Variants in SYT1 observed in about 807,000 individuals in gnomAD.
SYT1 encodes the protein synaptotagmin 1.
Under a neutral mutation model 44.8 loss-of-function variants are expected in SYT1, and 8 were observed. That is an observed-to-expected ratio of 0.18 (90% CI 0.10 to 0.32). The LOEUF (loss-of-function observed/expected upper bound fraction) is 0.32. SYT1 is among the 10% of genes least tolerant of loss of function. The pLI is 1.00. For synonymous variants in SYT1, 154 were observed against 188.8 expected (o/e 0.82, Z 1.51); for missense variants, 286 against 509.3 (o/e 0.56, Z 4.22).
intron 2 of SYT1, among the ~76,000 whole-genome samples, chr12:79,024,669 G>T (rs978096474): frequency 2.6e-5 from 4 of 151,742 alleles, no homozygotes. Context: ...CTCTCCCCTG[G>T]AAAGTACTTT....
At chr12:78,892,253 T>G (rs1163110713) in intron 1 of SYT1, among the ~76,000 whole-genome samples, 1 of 151,758 alleles carries the variant, frequency 6.6e-6, no homozygotes, top group Admixed American at 6.6e-5. Context: ...CTTATCACGT[T>G]TTTAACATGA....
intron 3 of SYT1, among the ~76,000 whole-genome samples, chr12:79,104,542 A>C (rs939892595): frequency 1.6e-4 from 24 of 152,020 alleles, no homozygotes; most frequent in African/African-American, 2.4e-5. Context: ...TTGGATCCTG[A>C]AGTATTAGTA....
intron 1 of SYT1, among the ~76,000 whole-genome samples, chr12:78,881,692 C>G (rs775477135): frequency 2.0e-5 from 3 of 151,290 alleles, no homozygotes; most frequent in Non-Finnish European, 4.4e-5. Flanking sequence ...ACCAAGTAAC[C>G]TTCGCTTGGT....
intron 3 of SYT1, among the ~76,000 whole-genome samples, chr12:79,187,377 A>G (rs1872863192): frequency 6.6e-6 from 1 of 152,068 alleles, no homozygotes; most frequent in Admixed American, 6.6e-5. Flanking sequence ...TCGTCCAGAA[A>G]GCAACGCTCC....
chr12:79,060,289 C>A (rs1473703988), intron 3 of SYT1, among the ~76,000 whole-genome samples: 1 of 152,040 alleles, frequency 6.6e-6, no homozygotes, highest in Non-Finnish European at 1.5e-5. Flanking sequence ...AGAGCTGTAT[C>A]TTTAGCCATT....
intron 2 of SYT1, among the ~76,000 whole-genome samples, chr12:79,038,883 A>G (rs1048836685): frequency 2.0e-5 from 3 of 152,122 alleles, no homozygotes; most frequent in African/African-American, 4.8e-5. Flanking sequence ...ATTCTCCTCA[A>G]AAGAAATGCT....
At chr12:79,263,047 C>T (rs1386873245) in intron 4 of SYT1, among the ~76,000 whole-genome samples, 5 of 152,134 alleles carry the variant, frequency 3.3e-5, no homozygotes, top group African/African-American at 1.2e-4. Context: ...GCTTACTGCC[C>T]CCTCTGCAAT....
At chr12:78,960,003 A>G (rs1879421132) in intron 1 of SYT1, among the ~76,000 whole-genome samples, 1 of 152,184 alleles carries the variant, frequency 6.6e-6, no homozygotes, top group Non-Finnish European at 1.5e-5. Context: ...GCATTCCAGA[A>G]CTGTTTTAAA....
At chr12:79,381,443 A>G (rs1255788267) in intron 9 of SYT1, among the ~76,000 whole-genome samples, 1 of 152,228 alleles carries the variant, frequency 6.6e-6, no homozygotes, top group South Asian at 2.1e-4. Context: ...ACAGCACTTC[A>G]TTGAAATGCA....
At chr12:79,430,787 A>G (rs994362416) in intron 9 of SYT1, among the ~76,000 whole-genome samples, 1 of 152,228 alleles carries the variant, frequency 6.6e-6, no homozygotes, top group African/African-American at 2.4e-5. Context: ...CTCTTGTCTC[A>G]AGACTAAACA....
intron 2 of SYT1, among the ~76,000 whole-genome samples, chr12:78,987,330 T>A (rs1476485649): frequency 1.3e-5 from 2 of 151,938 alleles, no homozygotes; most frequent in African/African-American, 4.8e-5. Context: ...AAAAGATACA[T>A]CTCTCATAAA....
chr12:79,410,106 G>T (rs1041131914), intron 9 of SYT1, among the ~76,000 whole-genome samples: 2 of 151,920 alleles, frequency 1.3e-5, no homozygotes, highest in African/African-American at 4.8e-5. Flanking sequence ...TCATCATCAA[G>T]GTTTGAATCC....
intron 1 of SYT1, among the ~76,000 whole-genome samples, chr12:78,966,012 G>T (rs1879751346): frequency 6.7e-6 from 1 of 150,298 alleles, no homozygotes; most frequent in African/African-American, 2.4e-5. Context: ...GGGCGGCAAA[G>T]ATTGCAGTGA....
intron 1 of SYT1, among the ~76,000 whole-genome samples, chr12:78,976,846 T>C (rs996462879): frequency 2.6e-5 from 4 of 152,208 alleles, no homozygotes; most frequent in Non-Finnish European, 5.9e-5. Flanking sequence ...TTAATTGGTC[T>C]ACAGGATTCA....
chr12:78,961,603 G>A (rs1219219378), intron 1 of SYT1, among the ~76,000 whole-genome samples: 4 of 151,916 alleles, frequency 2.6e-5, no homozygotes, highest in East Asian at 1.9e-4. Flanking sequence ...TCCCTGGGTC[G>A]CAAGCAGTAT....
intron 4 of SYT1, among the ~76,000 whole-genome samples, chr12:79,253,395 G>A (rs919933494): frequency 2.0e-5 from 3 of 151,786 alleles, no homozygotes; most frequent in Middle Eastern, 3.4e-3. Context: ...GTAATTGGGG[G>A]CACCAAGAAC....
At chr12:79,209,752 C>A (rs968237348) in intron 3 of SYT1, among the ~76,000 whole-genome samples, 1 of 152,088 alleles carries the variant, frequency 6.6e-6, no homozygotes, top group African/African-American at 2.4e-5. Context: ...ATAGACCTGG[C>A]CCTCACTTAC....
At chr12:78,877,053 T>C (rs1311638903) in intron 1 of SYT1, among the ~76,000 whole-genome samples, 4 of 146,702 alleles carry the variant, frequency 2.7e-5, no homozygotes, top group African/African-American at 1.0e-4. Context: ...CTGAAAGATA[T>C]TAAGGAGTGA....
chr12:79,269,511 G>A (rs1185255189), intron 4 of SYT1, among the ~76,000 whole-genome samples: 1 of 151,990 alleles, frequency 6.6e-6, no homozygotes, highest in African/African-American at 2.4e-5. Context: ...ACAGCAGATT[G>A]TCAGTAGGAA....
Sources: gnomAD v4.1 joint callset for allele counts (sites outside exome capture counted in the v4.1 genomes callset) on GRCh38, gnomAD v4.1.1 for gene constraint, MANE v1.5 for transcripts, NCBI Gene and HGNC (gene_info 2026-07-23, HGNC 2026-07-21) for gene names.